Variants in BNC2 observed in about 807,000 individuals in gnomAD.
The protein encoded by BNC2 is basonuclin zinc finger protein 2.
BNC2 carries 20 observed loss-of-function variants against 76.3 expected under a neutral mutation model. The observed-to-expected ratio is 0.26, with a 90% CI of 0.18 to 0.38. The LOEUF is 0.38. Among genes scored for constraint, BNC2 ranks in the 10% least tolerant of loss-of-function variants. BNC2 has a pLI of 1.00. For missense variants in BNC2, 1,382 were observed against 1,399.8 expected (o/e 0.99, Z 0.20); for synonymous variants, 582 against 514.8 (o/e 1.13, Z -1.77).
intron 3 of BNC2, among the ~76,000 whole-genome samples, chr9:16,633,866 C>T (rs557785680): frequency 1.3e-5 from 2 of 152,146 alleles, no homozygotes; most frequent in South Asian, 2.1e-4. Flanking sequence ...AAAAACATAC[C>T]CCAACAGGTA....
intron 4 of BNC2, among the ~76,000 whole-genome samples, chr9:16,580,612 T>A (rs1307923125): frequency 2.0e-5 from 3 of 152,196 alleles, no homozygotes; most frequent in Non-Finnish European, 4.4e-5. Flanking sequence ...ACATTACTAA[T>A]GTAATATGCA....
At chr9:16,476,339 C>T (rs914905326) in intron 5 of BNC2, 2 of 152,204 alleles carry the variant, frequency 1.3e-5, no homozygotes, top group Non-Finnish European at 2.9e-5. Flanking sequence ...CCCACACCGC[C>T]CTGGAGTTTC....
In BNC2 at chr9:16,651,365, C is replaced by G. The variant is rs546611391; in HGVS notation, c.331-68280G>C. Among the ~76,000 whole-genome samples the G allele has an allele frequency of 5.3e-5, 8 of 152,122 alleles. No homozygotes were observed. In the East Asian group the frequency reaches 1.5e-3, roughly 29 times the overall value. ...ATTTCAGCTATAAGCAAAATCAGAC[C>G]CACTTTACATTTCCCTTTATTACTC... On this transcript the variant is annotated intron_variant, in intron 3 of 6. Transcript: ENST00000380672.
chr9:16,620,219 A>G (rs557856676), intron 3 of BNC2, among the ~76,000 whole-genome samples: 1 of 152,308 alleles, frequency 6.6e-6, no homozygotes, highest in South Asian at 2.1e-4. Context: ...CTGAATTCCG[A>G]GTTAAATAGT....
At chr9:16,438,014 G>A (rs570495100) in intron 5 of BNC2, among the ~76,000 whole-genome samples, 2 of 152,066 alleles carry the variant, frequency 1.3e-5, no homozygotes, top group African/African-American at 4.8e-5. Context: ...TGGATTCAAT[G>A]ATGAAAATTC....
intron 3 of BNC2, among the ~76,000 whole-genome samples, chr9:16,692,792 T>A (rs1328273031): frequency 6.6e-6 from 1 of 152,108 alleles, no homozygotes; most frequent in Non-Finnish European, 1.5e-5. Flanking sequence ...GTGTTTGGAA[T>A]GACCGAAAAG....
intron 1 of BNC2, among the ~76,000 whole-genome samples, chr9:16,784,310 T>A (rs952226002): frequency 2.0e-5 from 3 of 152,188 alleles, no homozygotes; most frequent in Non-Finnish European, 4.4e-5. Context: ...GCTACTTTTT[T>A]AACTATTTAC....
chr9:16,492,127 G>GT (rs34319707), intron 5 of BNC2, among the ~76,000 whole-genome samples: 4 of 151,506 alleles, frequency 2.6e-5, no homozygotes, highest in African/African-American at 9.7e-5. Context: ...TCCTGACAAT[G>GT]TTTTTTTCTT....
intron 1 of BNC2, among the ~76,000 whole-genome samples, chr9:16,820,790 C>T (rs1403451163): frequency 6.6e-6 from 1 of 150,634 alleles, no homozygotes; most frequent in Admixed American, 6.6e-5. Flanking sequence ...ATGAAACAGG[C>T]CAAGTGTATA....
intron 1 of BNC2, among the ~76,000 whole-genome samples, chr9:16,774,869 T>C (rs757876099): frequency 4.6e-4 from 70 of 152,226 alleles, no homozygotes; most frequent in Non-Finnish European, 8.8e-4. Flanking sequence ...CACAAAAGAC[T>C]GTATATCTGT....
At chr9:16,848,638 T>G (rs1288091460) in intron 1 of BNC2, among the ~76,000 whole-genome samples, 1 of 152,186 alleles carries the variant, frequency 6.6e-6, no homozygotes, top group Non-Finnish European at 1.5e-5. Flanking sequence ...CATAAAACAA[T>G]GTAGGAAATC....
chr9:16,800,902 T>C (rs1024379747), intron 1 of BNC2, among the ~76,000 whole-genome samples: 3 of 152,206 alleles, frequency 2.0e-5, no homozygotes, highest in Non-Finnish European at 4.4e-5. Context: ...GGGAAGCTAT[T>C]CTATCAGGCA....
At chr9:16,693,851 G>A (rs148789996) in intron 3 of BNC2, among the ~76,000 whole-genome samples, 2,251 of 152,230 alleles carry the variant, frequency 0.015, 34 homozygotes, top group South Asian at 0.045. Context: ...AATTATGTGG[G>A]GACAGACATT....
rs368347224 is a variant in BNC2, at chr9:16,727,944, C to T, written c.183G>A (p.Glu61=). Residue 61 remains glutamate, a synonymous_variant, in exon 3 of 7, where the codon GAG becomes GAA. Transcript: ENST00000380672. The part of the protein sequence containing the change: ...VRERETQRDR[E]PKRARDLTLR... ...AAGTCAAGTCTCTTGCCCTCTTTGG[C>T]TCTCTGTCTCTCTGTGTCTCTCTTT... The T allele has an allele frequency of 7.4e-6, 12 of 1,613,974 alleles. No individual in the cohort carries two copies. The highest frequency in any genetic ancestry group is 1.3e-5 in the African/African-American group (1 of 74,892).
chr9:16,799,406 C>T (rs1380816373), intron 1 of BNC2, among the ~76,000 whole-genome samples: 4 of 152,062 alleles, frequency 2.6e-5, no homozygotes, highest in Admixed American at 2.6e-4. Context: ...CCTCCACCTC[C>T]CAGATTCAAG....
chr9:16,568,467 C>T (rs1165981912), intron 4 of BNC2, among the ~76,000 whole-genome samples: 3 of 152,122 alleles, frequency 2.0e-5, no homozygotes, highest in African/African-American at 7.2e-5. Context: ...TACCACACTT[C>T]ATAATAAGCA....
chr9:16,413,260 T>A lies in BNC2; in HGVS notation c.*5729A>T, dbSNP rs541019297. On this transcript the variant is annotated 3_prime_UTR_variant, in exon 7 of 7. Transcript: ENST00000380672. ...CTTTAGAGGAGAAGAATAAAGATAG[T>A]TTTATGACAACTATAGTATGTTGCT... 4 of 152,220 alleles carry A rather than the reference T, an allele frequency of 2.6e-5. No homozygotes were observed. In the South Asian group the frequency reaches 8.3e-4, roughly 32 times the overall value. 9.4% of individuals were successfully genotyped at this position (152,220 alleles called of 1,614,324 possible).
intron 3 of BNC2, among the ~76,000 whole-genome samples, chr9:16,725,370 TA>T (rs911969489): frequency 7.2e-5 from 11 of 152,142 alleles, no homozygotes; most frequent in Middle Eastern, 3.4e-3. Flanking sequence ...TTATACAAAC[TA>T]AAATGTCATC....
chr9:16,533,512 A>G (rs1028945444), intron 5 of BNC2, among the ~76,000 whole-genome samples: 1 of 152,206 alleles, frequency 6.6e-6, no homozygotes, highest in Non-Finnish European at 1.5e-5. Context: ...AAAATGTAAG[A>G]AAAATTTAGG....
Sources: gnomAD v4.1 joint callset for allele counts (sites outside exome capture counted in the v4.1 genomes callset) on GRCh38, gnomAD v4.1.1 for gene constraint, MANE v1.5 for transcripts, NCBI Gene and HGNC (gene_info 2026-07-23, HGNC 2026-07-21) for gene names.